Variants in RAB31 observed in about 807,000 individuals in gnomAD.
The protein encoded by RAB31 is RAB31, member RAS oncogene family.
A neutral mutation model predicts 25.6 loss-of-function variants in RAB31; 21 were observed. The ratio of observed to expected loss-of-function variants is 0.82; its 90% confidence interval spans 0.58 to 1.18. RAB31 has a LOEUF of 1.18. RAB31 is among the 50% of genes most tolerant of loss of function. The pLI is 0.00. For missense variants in RAB31, 196 were observed against 250.1 expected (o/e 0.78, Z 1.46); for synonymous variants, 87 against 84.0 (o/e 1.04, Z -0.20).
intron 1 of RAB31, among the ~76,000 whole-genome samples, chr18:9,739,821 T>TG (rs1206410350): frequency 5.3e-5 from 8 of 152,204 alleles, no homozygotes; most frequent in Admixed American, 1.3e-4. Context: ...GCAAGGAAGA[T>TG]GGGAAAATGT....
chr18:9,806,419 G>A (rs2068541591), intron 3 of RAB31, among the ~76,000 whole-genome samples: 1 of 152,144 alleles, frequency 6.6e-6, no homozygotes, highest in African/African-American at 2.4e-5. Context: ...ACAGAAGTGA[G>A]GGAGGGGCCT....
At chr18:9,857,611 A>G (rs2068822959) in intron 6 of RAB31, among the ~76,000 whole-genome samples, 1 of 151,992 alleles carries the variant, frequency 6.6e-6, no homozygotes, top group South Asian at 2.1e-4. Flanking sequence ...CTGGTTCCTT[A>G]GCAAATGAAT....
chr18:9,813,000 C>T (rs1349695803), intron 3 of RAB31, among the ~76,000 whole-genome samples: 1 of 152,018 alleles, frequency 6.6e-6, no homozygotes, highest in Non-Finnish European at 1.5e-5. Context: ...CTCGGCCCCT[C>T]CAGGATACTT....
At chr18:9,850,559 A>G (rs1193483604) in intron 6 of RAB31, among the ~76,000 whole-genome samples, 3 of 152,238 alleles carry the variant, frequency 2.0e-5, no homozygotes, top group African/African-American at 7.2e-5. Flanking sequence ...CAAAATAGCT[A>G]TGCATTTTGC....
At chr18:9,854,107 G>A (rs189888330) in intron 6 of RAB31, among the ~76,000 whole-genome samples, 210 of 151,800 alleles carry the variant, frequency 1.4e-3, no homozygotes, top group Non-Finnish European at 2.5e-3. Context: ...TTAGGTATTT[G>A]TCCTAATGCT....
intron 1 of RAB31, among the ~76,000 whole-genome samples, chr18:9,744,572 A>G (rs2145474403): frequency 6.6e-6 from 1 of 152,352 alleles, no homozygotes; most frequent in East Asian, 1.9e-4. Flanking sequence ...CCTATTAAAA[A>G]TAACAAAGGC....
At chr18:9,859,185 C>A in intron 6 of RAB31, 43 bp from the exon 7 acceptor site, 2 of 1,500,344 alleles carry the variant, frequency 1.3e-6, no homozygotes, top group Non-Finnish European at 1.9e-6. Flanking sequence ...GCAGTGTTGG[C>A]TGTAGGAAAG....
At chr18:9,779,756 G>T (rs1487283116) in intron 2 of RAB31, among the ~76,000 whole-genome samples, 1 of 152,164 alleles carries the variant, frequency 6.6e-6, no homozygotes, top group African/African-American at 2.4e-5. Context: ...AGCTGGTTGG[G>T]TTTCCGAGTC....
chr18:9,712,894 A>G (rs1204492517), intron 1 of RAB31, among the ~76,000 whole-genome samples: 2 of 152,218 alleles, frequency 1.3e-5, no homozygotes, highest in African/African-American at 2.4e-5. Context: ...GCTTCTGGTA[A>G]GGAGCTTGTT....
At chr18:9,733,478 G>A (rs1030808147) in intron 1 of RAB31, among the ~76,000 whole-genome samples, 2 of 152,176 alleles carry the variant, frequency 1.3e-5, no homozygotes, top group African/African-American at 4.8e-5. Flanking sequence ...TGTTCCCAGA[G>A]CTGTCCCACC....
At chr18:9,761,592 T>G (rs1250338113) in intron 1 of RAB31, among the ~76,000 whole-genome samples, 1 of 152,180 alleles carries the variant, frequency 6.6e-6, no homozygotes, top group Non-Finnish European at 1.5e-5. Context: ...GGGCCTGCAG[T>G]CATCTCATGA....
chr18:9,760,167 TG>T (rs5823070), intron 1 of RAB31, among the ~76,000 whole-genome samples: 116,008 of 147,534 alleles, frequency 0.79, 45,580 homozygotes, highest in South Asian at 0.85. Flanking sequence ...CTTTTCTTTT[TG>T]TTTTTGTTTT....
chr18:9,771,350 G>T (rs1044228158), intron 1 of RAB31, among the ~76,000 whole-genome samples: 6 of 152,112 alleles, frequency 3.9e-5, no homozygotes, highest in Non-Finnish European at 7.4e-5. Context: ...GGACAAGACG[G>T]CCTGTGGTAT....
intron 1 of RAB31, among the ~76,000 whole-genome samples, chr18:9,732,489 C>T (rs117218630): frequency 0.013 from 1,964 of 152,308 alleles, 18 homozygotes; most frequent in African/African-American, 0.018. Context: ...GTCCTCACAA[C>T]GGCCCTGTTA....
chr18:9,851,210 G>A (rs1485092798), intron 6 of RAB31, among the ~76,000 whole-genome samples: 3 of 152,152 alleles, frequency 2.0e-5, no homozygotes, highest in Non-Finnish European at 2.9e-5. Context: ...TTTACCAAAT[G>A]CAATCCACTT....
intron 5 of RAB31, among the ~76,000 whole-genome samples, chr18:9,826,054 A>C (rs1191470778): frequency 6.6e-6 from 1 of 152,106 alleles, no homozygotes; most frequent in East Asian, 1.9e-4. Flanking sequence ...ACAAACCTGC[A>C]CACGTACCCC....
chr18:9,771,330 C>T (rs774712688), intron 1 of RAB31, among the ~76,000 whole-genome samples: 2 of 152,090 alleles, frequency 1.3e-5, no homozygotes, highest in African/African-American at 2.4e-5. Context: ...TTTACCAAAA[C>T]GAGGGGACTG....
At chr18:9,721,087 A>G (rs1390912150) in intron 1 of RAB31, among the ~76,000 whole-genome samples, 1 of 152,000 alleles carries the variant, frequency 6.6e-6, no homozygotes, top group Non-Finnish European at 1.5e-5. Flanking sequence ...CTGATTTCCT[A>G]TTCCTCAAAA....
At chr18:9,723,379 T>G (rs1251687627) in intron 1 of RAB31, among the ~76,000 whole-genome samples, 1 of 152,224 alleles carries the variant, frequency 6.6e-6, no homozygotes. Flanking sequence ...ATGTGAATAA[T>G]GAACTCAGTC....
Sources: allele counts gnomAD v4.1 joint callset (sites outside exome capture counted in the v4.1 genomes callset), GRCh38; gene constraint gnomAD v4.1.1; transcripts MANE v1.5; gene names NCBI Gene and HGNC (gene_info 2026-07-23, HGNC 2026-07-21).